The following MIS18A variants were observed in gnomAD, a reference collection of about 807,000 sequenced individuals.
The protein encoded by MIS18A is MIS18 kinetochore protein A.
MIS18A carries 14 observed loss-of-function variants against 25.0 expected under a neutral mutation model. That is an observed-to-expected ratio of 0.56 (90% CI 0.37 to 0.88). The LOEUF (loss-of-function observed/expected upper bound fraction) is 0.88, where lower values mean the gene tolerates loss of function less well. MIS18A is among the 40% of genes least tolerant of loss of function. MIS18A has a pLI of 0.00. For synonymous variants in MIS18A, 134 were observed against 118.6 expected, an observed-to-expected ratio of 1.13 and a Z score of -0.84; for missense variants, 292 against 290.8, an observed-to-expected ratio of 1.00 and a Z score of -0.03.
At chr21:32,249,380 A>G in the MIS18A span, among the ~76,000 whole-genome samples, 1 of 152,154 alleles carries the variant, frequency 6.6e-6, no homozygotes, top group African/African-American at 2.4e-5. Context: ...GCGGGGAAAG[A>G]CAGCACAGGT....
the MIS18A span, among the ~76,000 whole-genome samples, chr21:32,221,230 G>C: frequency 6.6e-6 from 1 of 152,104 alleles, no homozygotes; most frequent in East Asian, 1.9e-4. Context: ...CAACCAGAAA[G>C]AAAGGTCAAG....
chr21:32,253,009 G>A, the MIS18A span, among the ~76,000 whole-genome samples: 4 of 152,186 alleles, frequency 2.6e-5, no homozygotes, highest in African/African-American at 9.7e-5. Context: ...GGAAGGAGCT[G>A]CCCTTGGGAC....
the MIS18A span, chr21:32,260,195 T>C: frequency 6.6e-6 from 1 of 151,704 alleles, no homozygotes; most frequent in African/African-American, 2.4e-5. Context: ...AACACAACCC[T>C]AGTATTCCAG....
intron 3 of MIS18A, among the ~76,000 whole-genome samples, 171 bp downstream of exon 3, chr21:32,270,236 A>G (rs2031687304): frequency 6.7e-6 from 1 of 148,810 alleles, no homozygotes; most frequent in African/African-American, 2.5e-5. Flanking sequence ...GACTTTTCCA[A>G]TACCAAATAA....
At chr21:32,248,765 G>A in the MIS18A span, among the ~76,000 whole-genome samples, 2 of 152,186 alleles carry the variant, frequency 1.3e-5, no homozygotes, top group African/African-American at 4.8e-5. Context: ...TTAACCTGCA[G>A]ACCAGGGCAG....
chr21:32,191,515 C>T, the MIS18A span, among the ~76,000 whole-genome samples: 1 of 152,118 alleles, frequency 6.6e-6, no homozygotes, highest in Non-Finnish European at 1.5e-5. Flanking sequence ...TCATTTGAGC[C>T]CGGGAGTTCA....
chr21:32,230,811 T>C, the MIS18A span, among the ~76,000 whole-genome samples: 1 of 152,120 alleles, frequency 6.6e-6, no homozygotes, highest in East Asian at 1.9e-4. Flanking sequence ...TCTTTGTGAG[T>C]TTGAATTAGC....
At chr21:32,202,544 T>C in the MIS18A span, among the ~76,000 whole-genome samples, 2 of 152,220 alleles carry the variant, frequency 1.3e-5, no homozygotes, top group Non-Finnish European at 2.9e-5. Context: ...TACATTCATA[T>C]TGTTGTGCAA....
At chr21:32,155,051 G>GGATA in the MIS18A span, among the ~76,000 whole-genome samples, 1 of 151,742 alleles carries the variant, frequency 6.6e-6, no homozygotes, top group African/African-American at 2.4e-5. Flanking sequence ...AAATATATAT[G>GGATA]GATAGATAGG....
At chr21:32,161,258 T>C in the MIS18A span, among the ~76,000 whole-genome samples, 1 of 152,208 alleles carries the variant, frequency 6.6e-6, no homozygotes, top group Non-Finnish European at 1.5e-5. Flanking sequence ...CATTGTTGTG[T>C]CTCCTTTGTC....
At chr21:32,226,320 AT>A in the MIS18A span, among the ~76,000 whole-genome samples, 1 of 152,078 alleles carries the variant, frequency 6.6e-6, no homozygotes, top group African/African-American at 2.4e-5. Context: ...TAAAAAATGC[AT>A]TTTTTAATGC....
chr21:32,263,706 T>C (rs1340913257), downstream of MIS18A, among the ~76,000 whole-genome samples: 1 of 152,118 alleles, frequency 6.6e-6, no homozygotes, highest in Non-Finnish European at 1.5e-5. Context: ...CTTTTGGGTG[T>C]TGAAAAGAGA....
chr21:32,250,261 C>T, the MIS18A span, among the ~76,000 whole-genome samples: 1 of 152,106 alleles, frequency 6.6e-6, no homozygotes, highest in South Asian at 2.1e-4. Flanking sequence ...TTAAATAATA[C>T]AGAAATTCTA....
At chr21:32,250,853 T>A in the MIS18A span, among the ~76,000 whole-genome samples, 1 of 152,174 alleles carries the variant, frequency 6.6e-6, no homozygotes, top group East Asian at 1.9e-4. Flanking sequence ...GGTGATATGG[T>A]TTGGCTGTGC....
the MIS18A span, among the ~76,000 whole-genome samples, chr21:32,259,430 A>T: frequency 1.3e-5 from 2 of 152,150 alleles, no homozygotes; most frequent in African/African-American, 4.8e-5. Flanking sequence ...GCTCAAGGTC[A>T]TCATTTCCCC....
chr21:32,204,443 G>A, the MIS18A span, among the ~76,000 whole-genome samples: 1 of 151,960 alleles, frequency 6.6e-6, no homozygotes, highest in African/African-American at 2.4e-5. Flanking sequence ...GTTGCAGTGA[G>A]CCAAGATCCC....
chr21:32,255,150 G>C, the MIS18A span, among the ~76,000 whole-genome samples: 4 of 152,118 alleles, frequency 2.6e-5, no homozygotes, highest in Non-Finnish European at 5.9e-5. Flanking sequence ...GAGATACTTG[G>C]ATTGTAGATA....
At chr21:32,230,788 A>T in the MIS18A span, among the ~76,000 whole-genome samples, 1 of 152,246 alleles carries the variant, frequency 6.6e-6, no homozygotes, top group Non-Finnish European at 1.5e-5. Context: ...TTACAAGAAA[A>T]CACAGGGGTA....
chr21:32,208,889 G>A, the MIS18A span, among the ~76,000 whole-genome samples: 1 of 152,192 alleles, frequency 6.6e-6, no homozygotes, highest in Admixed American at 6.5e-5. Flanking sequence ...TCATCACCAG[G>A]TGTCCCTCCC....
Sources: allele counts gnomAD v4.1 joint callset (sites outside exome capture counted in the v4.1 genomes callset), GRCh38; gene constraint gnomAD v4.1.1; transcripts MANE v1.5; gene names NCBI Gene and HGNC (gene_info 2026-07-23, HGNC 2026-07-21).